The following RASSF6 variants were observed in gnomAD, a reference collection of about 807,000 sequenced individuals.
RASSF6 encodes the protein ras association domain-containing protein 6.
Under a neutral mutation model 44.0 loss-of-function variants are expected in RASSF6, and 52 were observed. The ratio of observed to expected loss-of-function variants is 1.18; its 90% CI spans 0.95 to 1.49. RASSF6 has a LOEUF of 1.49. RASSF6 is among the 40% of genes most tolerant of loss of function. RASSF6 has a pLI of 0.00. For synonymous variants in RASSF6, 162 were observed against 124.6 expected, an observed-to-expected ratio of 1.30 and a Z score of -2.00; for missense variants, 464 against 393.3, an observed-to-expected ratio of 1.18 and a Z score of -1.52.
chr4:73,615,807 C>T, intron 1 of RASSF6: 2 of 1,105,964 alleles, frequency 1.8e-6, no homozygotes, highest in Non-Finnish European at 2.7e-6. Context: ...TGTTGGGCAG[C>T]ATTAGCGTTC....
At chr4:73,606,203 G>C (rs1725615399) in intron 2 of RASSF6, among the ~76,000 whole-genome samples, 1 of 152,172 alleles carries the variant, frequency 6.6e-6, no homozygotes, top group African/African-American at 2.4e-5. Context: ...AAACAATGTG[G>C]TACATAGACA....
chr4:73,613,022 TC>T (rs541079713), intron 1 of RASSF6, among the ~76,000 whole-genome samples: 35 of 152,260 alleles, frequency 2.3e-4, no homozygotes, highest in African/African-American at 7.9e-4. Context: ...AGATATCTGG[TC>T]CCTTTTAGTC....
rs376086433 is a variant in RASSF6, at chr4:73,617,952, A to G, written c.-35+2336T>C. ...CCGTGAATTCCCCACCTACATTGCA[A>G]TCAATGAATCTATATAAGCAAATGG... On this transcript the variant is annotated intron_variant, in intron 1 of 10. Coordinates refer to ENST00000307439, the MANE Select transcript of RASSF6 (RefSeq NM_177532.5). Among the ~76,000 whole-genome samples, 7 of 152,170 alleles carry G rather than the reference A, an allele frequency of 4.6e-5. No homozygotes were observed. The East Asian group carries it at 1.3e-3, about 29-fold the overall frequency.
chr4:73,603,010 C>T (rs946643832), intron 2 of RASSF6, among the ~76,000 whole-genome samples: 1 of 152,032 alleles, frequency 6.6e-6, no homozygotes, highest in African/African-American at 2.4e-5. Flanking sequence ...ATGGCGTGAA[C>T]CCGGGAGGCG....
chr4:73,601,429 A>G (rs1393045995), intron 2 of RASSF6, among the ~76,000 whole-genome samples: 1 of 152,240 alleles, frequency 6.6e-6, no homozygotes, highest in African/African-American at 2.4e-5. Flanking sequence ...AAGTCTTCCA[A>G]TCTGTAATCC....
In RASSF6 at chr4:73,587,845, TG is replaced by T; in HGVS notation, c.376del (p.Gln126ArgfsTer12). 6.2e-7 allele frequency: 1 copy of T among 1,603,204 alleles called. No individual in the cohort carries two copies. Among genetic ancestry groups the T allele is most frequent in the Non-Finnish European group, 8.5e-7 (1 of 1,171,202 alleles). On this transcript the variant is annotated frameshift_variant, in exon 5 of 11. Transcript: ENST00000307439. LOFTEE classifies it high-confidence loss of function. ...QIPMSEKRNS[Q>X]EDYLSYHSNT... ...AATAAGATTTTGATACTGACCTTCC[TG>T]GGAATTCCTTTTTTCAGACATAGGA...
At chr4:73,612,706 T>C (rs1037084755) in intron 1 of RASSF6, among the ~76,000 whole-genome samples, 2 of 152,164 alleles carry the variant, frequency 1.3e-5, no homozygotes, top group African/African-American at 4.8e-5. Context: ...TTAAACTCAC[T>C]AGGTACTTTG....
At chr4:73,605,279 A>G (rs1184221183) in intron 2 of RASSF6, among the ~76,000 whole-genome samples, 1 of 152,206 alleles carries the variant, frequency 6.6e-6, no homozygotes, top group Non-Finnish European at 1.5e-5. Context: ...GTTTTTGGAA[A>G]GATGGAATCA....
At chr4:73,620,464 C>T (rs375387325), upstream of RASSF6, 2 of 1,547,038 alleles carry the variant, frequency 1.3e-6, no homozygotes, top group South Asian at 1.2e-5. Flanking sequence ...GAGGCCCGCG[C>T]GGGCGCAGGG....
At chr4:73,605,332 A>C (rs1725549006) in intron 2 of RASSF6, among the ~76,000 whole-genome samples, 1 of 152,256 alleles carries the variant, frequency 6.6e-6, no homozygotes, top group African/African-American at 2.4e-5. Flanking sequence ...AAGCCTTGTC[A>C]TCAAGCTATT....
At chr4:73,586,136 T>G (rs1028019114) in intron 5 of RASSF6, among the ~76,000 whole-genome samples, 2 of 151,766 alleles carry the variant, frequency 1.3e-5, no homozygotes, top group Non-Finnish European at 2.9e-5. Flanking sequence ...TTCCCATCTT[T>G]TATAAAAGCA....
chr4:73,619,693 C>A (rs1388527173), intron 1 of RASSF6, among the ~76,000 whole-genome samples: 3 of 152,170 alleles, frequency 2.0e-5, no homozygotes, highest in African/African-American at 7.2e-5. Flanking sequence ...ACCTACCACT[C>A]TTCTGCTTCA....
chr4:73,607,361 G>A lies in RASSF6; in HGVS notation c.65+4370C>T, dbSNP rs551342050. 2.6e-4 allele frequency among the ~76,000 whole-genome samples: 39 copies of A among 152,220 alleles called. 2 individuals carry two copies. Among genetic ancestry groups the A allele is most frequent in the African/African-American group, 9.1e-4 (38 of 41,548 alleles). ...CCAGCACCCTGGGCACCTTTCACTT[G>A]TTGGAACTCTTTGCTCCATGGCTGT... On this transcript the variant is annotated intron_variant, in intron 2 of 10. Transcript: ENST00000307439.
At chr4:73,607,669 A>G (rs1230051809) in intron 2 of RASSF6, among the ~76,000 whole-genome samples, 1 of 152,208 alleles carries the variant, frequency 6.6e-6, no homozygotes, top group African/African-American at 2.4e-5. Context: ...GCAAATATTC[A>G]AAACACCCTA....
At chr4:73,618,548 A>G (rs1332577413) in intron 1 of RASSF6, among the ~76,000 whole-genome samples, 1 of 152,170 alleles carries the variant, frequency 6.6e-6, no homozygotes, top group Admixed American at 6.5e-5. Flanking sequence ...ATCTTTAATG[A>G]ATATTGGAAC....
At chr4:73,612,465 G>A (rs896576369) in intron 1 of RASSF6, among the ~76,000 whole-genome samples, 3 of 120,384 alleles carry the variant, frequency 2.5e-5, no homozygotes, top group Non-Finnish European at 5.1e-5. Context: ...AGATGGATGA[G>A]AGAGTTCAGT....
At chr4:73,581,937 C>A in intron 7 of RASSF6, 69 bp from the exon 8 acceptor site, 1 of 1,164,978 alleles carries the variant, frequency 8.6e-7, no homozygotes, top group Non-Finnish European at 1.3e-6. Context: ...CCTGACCAGA[C>A]CCAAATCATG....
At chr4:73,591,501 T>G (rs1245504067) in intron 4 of RASSF6, among the ~76,000 whole-genome samples, 2 of 152,216 alleles carry the variant, frequency 1.3e-5, no homozygotes, top group Non-Finnish European at 2.9e-5. Flanking sequence ...GTAGTTAATT[T>G]TATAAATCCG....
chr4:73,591,687 G>A (rs1724572806), intron 4 of RASSF6, among the ~76,000 whole-genome samples: 1 of 152,072 alleles, frequency 6.6e-6, no homozygotes, highest in Non-Finnish European at 1.5e-5. Flanking sequence ...CTTAGGCCCT[G>A]AGCCCTAAGC....
Sources: gnomAD v4.1 joint callset for allele counts (sites outside exome capture counted in the v4.1 genomes callset) on GRCh38, gnomAD v4.1.1 for gene constraint, MANE v1.5 for transcripts, NCBI Gene and HGNC (gene_info 2026-07-23, HGNC 2026-07-21) for gene names.